Variants in CSMD1 observed in about 807,000 individuals in gnomAD.
The protein encoded by CSMD1 is CUB and Sushi multiple domains 1, also known as CUB and sushi domain-containing protein 1.
A neutral mutation model predicts 417.5 loss-of-function variants in CSMD1; 213 were observed. The ratio of observed to expected loss-of-function variants is 0.51; its 90% CI spans 0.46 to 0.57. The LOEUF is 0.57. Ranked by LOEUF, CSMD1 falls within the 20% of genes least tolerant of loss-of-function variation. The pLI is 0.00. For synonymous variants in CSMD1, 2,862 were observed against 1,736.8 expected, an observed-to-expected ratio of 1.65 and a Z score of -16.11; for missense variants, 6,923 against 4,529.7, an observed-to-expected ratio of 1.53 and a Z score of -15.17.
chr8:4,212,177 TA>T (rs1800353954), intron 3 of CSMD1, among the ~76,000 whole-genome samples: 1 of 110,780 alleles, frequency 9.0e-6, no homozygotes, highest in African/African-American at 4.7e-5. Context: ...TCCCTATTTA[TA>T]TATATATATA....
chr8:4,697,058 G>C lies in CSMD1; in HGVS notation c.86-59500C>G, dbSNP rs7016288. 4.3e-4 allele frequency among the ~76,000 whole-genome samples: 65 copies of C among 152,210 alleles called. 1 individual carries two copies. Among genetic ancestry groups the C allele is most frequent in the Non-Finnish European group, 7.5e-4 (51 of 68,014 alleles). On this transcript the variant is annotated intron_variant, in intron 1 of 69. Transcript: ENST00000635120. The stretch of plus-strand genomic sequence containing the variant: ...GTGGTGGTGCGTGCCTGTAATCCCA[G>C]CTACTCAGGAGGCTGACGCAGGAGA...
At chr8:4,923,338 G>C (rs1367601352) in intron 1 of CSMD1, among the ~76,000 whole-genome samples, 1 of 152,062 alleles carries the variant, frequency 6.6e-6, no homozygotes, top group African/African-American at 2.4e-5. Flanking sequence ...AGCATGAACA[G>C]TTAACTTCTT....
chr8:4,319,569 G>A (rs982627822), intron 3 of CSMD1, among the ~76,000 whole-genome samples: 1 of 152,140 alleles, frequency 6.6e-6, no homozygotes, highest in African/African-American at 2.4e-5. Flanking sequence ...TTAATTGTTG[G>A]CTGTTGAATA....
At chr8:4,226,241 G>C (rs563340375) in intron 3 of CSMD1, among the ~76,000 whole-genome samples, 1 of 152,188 alleles carries the variant, frequency 6.6e-6, no homozygotes, top group South Asian at 2.1e-4. Flanking sequence ...AAAACAAAAA[G>C]TAAAATAGTG....
At chr8:3,200,248 T>A (rs1340963819) in intron 32 of CSMD1, among the ~76,000 whole-genome samples, 1 of 152,056 alleles carries the variant, frequency 6.6e-6, no homozygotes, top group Non-Finnish European at 1.5e-5. Context: ...CTGAAGTATA[T>A]TTTTAACCTT....
At chr8:4,107,058 C>T (rs1264630073) in intron 3 of CSMD1, among the ~76,000 whole-genome samples, 1 of 152,148 alleles carries the variant, frequency 6.6e-6, no homozygotes, top group Non-Finnish European at 1.5e-5. Flanking sequence ...CATCTCCAAG[C>T]AGGCATCCAT....
Position 4,749,836 on chromosome 8 carries a change from G to T in CSMD1, c.86-112278C>A, listed in dbSNP as rs548004830. On this transcript the variant is annotated intron_variant, in intron 1 of 69. Transcript: ENST00000635120. ...CCATAAGATGTTTTGCTGGTAATTT[G>T]GAAAGCCAGGGTGTGGATTTACGGC... Among the ~76,000 whole-genome samples the T allele has an allele frequency of 6.6e-5, 10 of 152,068 alleles. No homozygotes were observed. The East Asian group carries it at 1.9e-3, about 29-fold the overall frequency.
At position 3,656,280 on chromosome 8, in the gene CSMD1, T is replaced by C. The variant is rs543230638; in HGVS notation, c.1010-39483A>G. On this transcript the variant is annotated intron_variant, in intron 7 of 69. Coordinates refer to ENST00000635120, the MANE Select transcript of CSMD1 (RefSeq NM_033225.6). Reference sequence around the variant, plus strand: ...AGGAGAAAGTCAAACGTGAGTTTACTCAACACAGAAATACTCTCTCAGAAG... The same window carrying C: ...AGGAGAAAGTCAAACGTGAGTTTACCCAACACAGAAATACTCTCTCAGAAG... Among the ~76,000 whole-genome samples the C allele has an allele frequency of 8.5e-5, 13 of 152,306 alleles. No individual in the cohort carries two copies. The East Asian group carries it at 2.3e-3, about 27-fold the overall frequency.
chr8:3,561,794 G>T (rs887151852), intron 10 of CSMD1, among the ~76,000 whole-genome samples: 2 of 148,594 alleles, frequency 1.3e-5, no homozygotes, highest in African/African-American at 4.8e-5. Flanking sequence ...ATTAAAAACA[G>T]AAAAAGAAAA....
rs547399201 is a variant in CSMD1 at position 3,207,376 on chromosome 8, C to T, written c.4868-1756G>A. On this transcript the variant is annotated intron_variant, in intron 30 of 69. Transcript: ENST00000635120. ...GTCAGGCTGGTCTCGAACTCCTGAC[C>T]TCATGATCCGCATGGCTCAGCCTCC... Among the ~76,000 whole-genome samples, 18 of 151,504 alleles carry T rather than the reference C, an allele frequency of 1.2e-4. 1 individual carries two copies. Among genetic ancestry groups the T allele is most frequent in the Non-Finnish European group, 2.5e-4 (17 of 67,928 alleles).
At chr8:3,735,958 G>C (rs922316899) in intron 6 of CSMD1, among the ~76,000 whole-genome samples, 2 of 152,016 alleles carry the variant, frequency 1.3e-5, no homozygotes, top group Non-Finnish European at 2.9e-5. Context: ...ATAAACAGTA[G>C]ACAGGTAAAT....
intron 50 of CSMD1, among the ~76,000 whole-genome samples, chr8:3,039,019 G>C (rs1435236665): frequency 6.6e-6 from 1 of 152,154 alleles, no homozygotes; most frequent in African/African-American, 2.4e-5. Context: ...GTCAACTCTT[G>C]AGTACTTTGG....
intron 1 of CSMD1, among the ~76,000 whole-genome samples, chr8:4,917,258 G>T (rs570535897): frequency 6.6e-6 from 1 of 152,288 alleles, no homozygotes; most frequent in South Asian, 2.1e-4. Flanking sequence ...GTAGGGGGAT[G>T]GTTCTAAACC....
chr8:4,174,581 G>A (rs1043798019), intron 3 of CSMD1, among the ~76,000 whole-genome samples: 3 of 149,834 alleles, frequency 2.0e-5, no homozygotes, highest in Non-Finnish European at 3.0e-5. Context: ...CACTCTGGCT[G>A]GGATACACAA....
chr8:3,074,824 T>C (rs1358000979), intron 49 of CSMD1, among the ~76,000 whole-genome samples: 3 of 152,346 alleles, frequency 2.0e-5, no homozygotes, highest in East Asian at 1.9e-4. Context: ...TATCATTCAA[T>C]TGATATAAAG....
intron 3 of CSMD1, among the ~76,000 whole-genome samples, chr8:4,412,034 T>G (rs912101933): frequency 2.6e-5 from 4 of 151,562 alleles, no homozygotes; most frequent in African/African-American, 9.7e-5. Context: ...GGCAAATGAT[T>G]AGCTAAATAT....
At chr8:3,781,481 G>A (rs570307305) in intron 5 of CSMD1, among the ~76,000 whole-genome samples, 2 of 144,604 alleles carry the variant, frequency 1.4e-5, no homozygotes, top group South Asian at 2.2e-4. Flanking sequence ...GCTGATAGTT[G>A]CACCACGTGG....
At chr8:3,454,141 CT>C (rs923818296) in intron 12 of CSMD1, among the ~76,000 whole-genome samples, 3 of 151,994 alleles carry the variant, frequency 2.0e-5, no homozygotes, top group East Asian at 1.9e-4. Context: ...CAACCCCTGC[CT>C]TTTTTTGTTT....
intron 3 of CSMD1, among the ~76,000 whole-genome samples, chr8:4,064,157 T>C (rs141507374): frequency 6.6e-6 from 1 of 152,180 alleles, no homozygotes; most frequent in Non-Finnish European, 1.5e-5. Context: ...GTTCAAAAGT[T>C]TGACTATGAA....
Sources: gnomAD v4.1 joint callset for allele counts (sites outside exome capture counted in the v4.1 genomes callset) on GRCh38, gnomAD v4.1.1 for gene constraint, MANE v1.5 for transcripts, NCBI Gene and HGNC (gene_info 2026-07-23, HGNC 2026-07-21) for gene names.